Variants in ADGRB3 observed in about 807,000 individuals in gnomAD.
ADGRB3 encodes the protein brain-specific angiogenesis inhibitor 3.
Under a neutral mutation model 193.4 loss-of-function variants are expected in ADGRB3, and 37 were observed. That is an observed-to-expected ratio of 0.19 (90% CI 0.15 to 0.25). The LOEUF (loss-of-function observed/expected upper bound fraction) is 0.25, where lower values mean the gene tolerates loss of function less well. Among genes scored for constraint, ADGRB3 ranks in the 10% least tolerant of loss-of-function variants. The pLI, the probability that ADGRB3 is intolerant of heterozygous loss-of-function variation, is 1.00. For synonymous variants in ADGRB3, 690 were observed against 644.2 expected (o/e 1.07, Z -1.08); for missense variants, 1,637 against 1,852.9 (o/e 0.88, Z 2.14).
At position 68,852,467 on chromosome 6, in the gene ADGRB3, C is replaced by T. The variant is rs12524820; in HGVS notation, c.758-78092C>T. Among the ~76,000 whole-genome samples, 438 of 152,080 alleles carry T rather than the reference C, an allele frequency of 2.9e-3. 3 individuals carry two copies. Among genetic ancestry groups the T allele is most frequent in the African/African-American group, 9.0e-3 (376 of 41,552 alleles). On this transcript the variant is annotated intron_variant, in intron 3 of 31. Transcript: ENST00000370598. ...ATTAGTACAAAACTGTATTATTATA[C>T]ACACAATAACTTGTATATCGTTAAA...
chr6:68,843,670 A>T (rs1768208561), intron 3 of ADGRB3, among the ~76,000 whole-genome samples: 1 of 152,036 alleles, frequency 6.6e-6, no homozygotes, highest in Admixed American at 6.6e-5. Flanking sequence ...AGAAAAAAAA[A>T]ATCCTAAAAT....
At chr6:69,340,766 G>A (rs1280240553) in intron 26 of ADGRB3, among the ~76,000 whole-genome samples, 2 of 151,922 alleles carry the variant, frequency 1.3e-5, no homozygotes, top group Admixed American at 6.6e-5. Flanking sequence ...CCCTCCTCTA[G>A]CCCCCCACCC....
chr6:69,190,184 G>T (rs1024790399), intron 17 of ADGRB3, among the ~76,000 whole-genome samples: 3 of 152,032 alleles, frequency 2.0e-5, no homozygotes, highest in African/African-American at 7.2e-5. Flanking sequence ...CTATAAAGTA[G>T]CCTCGGGAAG....
In ADGRB3 at chr6:68,763,533, C is replaced by G. The variant is rs1236966954; in HGVS notation, c.757+124101C>G. ...AAGTTAACATGAAATTTTAATATAC[C>G]TATGTTTTGCTCATATTAAAGGCTG... On this transcript the variant is annotated intron_variant, in intron 3 of 31. Coordinates refer to ENST00000370598, the MANE Select transcript of ADGRB3 (RefSeq NM_001704.3). 2.0e-5 allele frequency among the ~76,000 whole-genome samples: 3 copies of G among 151,862 alleles called. No homozygotes were observed. In the East Asian group the frequency reaches 5.8e-4, roughly 29 times the overall value.
chr6:68,696,717 A>G (rs1765165706), intron 3 of ADGRB3, among the ~76,000 whole-genome samples: 1 of 152,054 alleles, frequency 6.6e-6, no homozygotes, highest in Non-Finnish European at 1.5e-5. Flanking sequence ...ATTTTAAACT[A>G]TTTTAACAAT....
rs1035754614 is a variant in ADGRB3 at position 68,981,837 on chromosome 6, C to T, written c.1734+6497C>T. On this transcript the variant is annotated intron_variant, in intron 10 of 31. Transcript: ENST00000370598. ...GGGGTTCTCCAAAGAATGGACAATA[C>T]CTATTTTGTTATTTATTTATTTATT... 4.0e-4 allele frequency among the ~76,000 whole-genome samples: 58 copies of T among 145,158 alleles called. 3 individuals carry two copies. The highest frequency in any genetic ancestry group is 6.3e-4 in the Non-Finnish European group (41 of 65,176).
intron 15 of ADGRB3, among the ~76,000 whole-genome samples, chr6:69,062,404 G>T (rs866360052): frequency 6.6e-6 from 1 of 151,684 alleles, no homozygotes; most frequent in Non-Finnish European, 1.5e-5. Context: ...CTCTATTGTC[G>T]AAATAAATTA....
At chr6:68,674,570 T>A (rs1769041217) in intron 3 of ADGRB3, among the ~76,000 whole-genome samples, 1 of 152,178 alleles carries the variant, frequency 6.6e-6, no homozygotes, top group Non-Finnish European at 1.5e-5. Context: ...TTGAAAGAGC[T>A]ATAAATACGG....
chr6:69,024,410 A>G (rs1244670406), intron 13 of ADGRB3, among the ~76,000 whole-genome samples: 1 of 152,206 alleles, frequency 6.6e-6, no homozygotes, highest in African/African-American at 2.4e-5. Context: ...TAAATGTTCA[A>G]GCTCTTTATG....
intron 3 of ADGRB3, among the ~76,000 whole-genome samples, chr6:68,828,810 T>A (rs544406793): frequency 1.8e-4 from 27 of 152,302 alleles, no homozygotes; most frequent in Non-Finnish European, 2.8e-4. Context: ...TCAAAAGGGT[T>A]TTAAATCATA....
chr6:68,831,506 G>T (rs1767952462), intron 3 of ADGRB3, among the ~76,000 whole-genome samples: 2 of 152,018 alleles, frequency 1.3e-5, no homozygotes, highest in East Asian at 3.9e-4. Context: ...ATAGAAGTCT[G>T]TTTGGTTGGG....
intron 3 of ADGRB3, among the ~76,000 whole-genome samples, chr6:68,927,815 G>A (rs1263518018): frequency 2.0e-5 from 3 of 151,740 alleles, no homozygotes; most frequent in Admixed American, 2.0e-4. Context: ...GTTACATCAG[G>A]ACCTCATATT....
intron 20 of ADGRB3, among the ~76,000 whole-genome samples, chr6:69,287,058 A>G (rs927438884): frequency 2.6e-5 from 4 of 152,212 alleles, no homozygotes; most frequent in African/African-American, 9.6e-5. Context: ...TCCTATATTC[A>G]CATCATATAA....
chr6:69,148,029 G>T (rs1329128946), intron 17 of ADGRB3, among the ~76,000 whole-genome samples: 1 of 152,000 alleles, frequency 6.6e-6, no homozygotes, highest in Admixed American at 6.6e-5. Context: ...TGTTTTTATA[G>T]GTGAAGTGTG....
intron 3 of ADGRB3, among the ~76,000 whole-genome samples, chr6:68,788,813 A>T (rs9363966): frequency 0.26 from 40,275 of 152,046 alleles, 5,952 homozygotes; most frequent in Middle Eastern, 0.34. Flanking sequence ...GTCACTAAGG[A>T]CTTGCTTTAT....
chr6:68,885,484 G>A (rs1443779713), intron 3 of ADGRB3, among the ~76,000 whole-genome samples: 1 of 152,098 alleles, frequency 6.6e-6, no homozygotes, highest in Non-Finnish European at 1.5e-5. Flanking sequence ...TTGTTTCTTT[G>A]TGGTGAAAAC....
At chr6:69,210,169 T>TATATATATATATATATATATATA (rs1195654301) in intron 17 of ADGRB3, among the ~76,000 whole-genome samples, 1 of 131,120 alleles carries the variant, frequency 7.6e-6, no homozygotes, top group Non-Finnish European at 1.6e-5. Flanking sequence ...TATATATATA[T>TATATATATATATATATATATATA]AAAGGGGAGT....
At chr6:69,117,513 AAT>A in intron 17 of ADGRB3, among the ~76,000 whole-genome samples, 1 of 152,206 alleles carries the variant, frequency 6.6e-6, no homozygotes, top group East Asian at 1.9e-4. Flanking sequence ...ACTATCCTCT[AAT>A]AAGTAATATC....
At chr6:68,719,610 G>A (rs1391931415) in intron 3 of ADGRB3, among the ~76,000 whole-genome samples, 4 of 151,708 alleles carry the variant, frequency 2.6e-5, no homozygotes, top group African/African-American at 7.2e-5. Flanking sequence ...TTGGCTAAGC[G>A]CTCAATGTTT....
Sources: allele counts gnomAD v4.1 joint callset (sites outside exome capture counted in the v4.1 genomes callset), GRCh38; gene constraint gnomAD v4.1.1; transcripts MANE v1.5; gene names NCBI Gene and HGNC (gene_info 2026-07-23, HGNC 2026-07-21).